The following RAB3GAP2 variants were observed in gnomAD, a reference collection of about 807,000 sequenced individuals.
RAB3GAP2 encodes rab3 GTPase-activating protein non-catalytic subunit.
Under a neutral mutation model 185.3 loss-of-function variants are expected in RAB3GAP2, and 87 were observed. That is an observed-to-expected ratio of 0.47 (90% CI 0.39 to 0.56). The LOEUF (loss-of-function observed/expected upper bound fraction) is 0.56. RAB3GAP2 is among the 20% of genes least tolerant of loss of function. The pLI is 0.00. For missense variants in RAB3GAP2, 1,492 were observed against 1,638.2 expected (o/e 0.91, Z 1.54); for synonymous variants, 554 against 576.1 (o/e 0.96, Z 0.55).
chr1:220,269,590 C>T (rs1489172131), intron 1 of RAB3GAP2, among the ~76,000 whole-genome samples: 6 of 152,046 alleles, frequency 3.9e-5, no homozygotes, highest in African/African-American at 1.2e-4. Flanking sequence ...GGCATGGTGG[C>T]GCATGCCTGT....
chr1:220,198,705 C>T (rs1246336554), intron 9 of RAB3GAP2, among the ~76,000 whole-genome samples: 1 of 152,150 alleles, frequency 6.6e-6, no homozygotes, highest in Non-Finnish European at 1.5e-5. Context: ...ACTGTAATTA[C>T]ATTTCCTTGG....
At chr1:220,253,153 AC>A (rs1658463680) in intron 1 of RAB3GAP2, among the ~76,000 whole-genome samples, 1 of 152,182 alleles carries the variant, frequency 6.6e-6, no homozygotes, top group African/African-American at 2.4e-5. Flanking sequence ...TCAGATTGTG[AC>A]CAGACTGCTT....
At chr1:220,223,565 T>C (rs1455473844) in intron 2 of RAB3GAP2, among the ~76,000 whole-genome samples, 2 of 152,090 alleles carry the variant, frequency 1.3e-5, no homozygotes, top group Non-Finnish European at 2.9e-5. Context: ...GACTAAAGTA[T>C]GATAACATAC....
intron 24 of RAB3GAP2, among the ~76,000 whole-genome samples, chr1:220,168,266 A>G (rs1326518469): frequency 1.3e-5 from 2 of 151,682 alleles, no homozygotes; most frequent in Non-Finnish European, 2.9e-5. Context: ...ATTTTTTTAT[A>G]TTTTTAGTAG....
At chr1:220,254,334 C>T in intron 1 of RAB3GAP2, 1 of 1,613,450 alleles carries the variant, frequency 6.2e-7, no homozygotes, top group Non-Finnish European at 8.5e-7. Flanking sequence ...CACCCATGTC[C>T]CAGGTGTATG....
intron 7 of RAB3GAP2, among the ~76,000 whole-genome samples, chr1:220,207,090 T>C (rs1229690042): frequency 6.6e-6 from 1 of 152,216 alleles, no homozygotes; most frequent in African/African-American, 2.4e-5. Flanking sequence ...GGGCAAATAA[T>C]AGGCAGTAAA....
At chr1:220,254,053 G>A in intron 1 of RAB3GAP2, 1 of 1,613,934 alleles carries the variant, frequency 6.2e-7, no homozygotes, top group Non-Finnish European at 8.5e-7. Flanking sequence ...AAAGATTCCT[G>A]AATAGCTAAA....
At chr1:220,248,045 A>G (rs1476765418) in intron 1 of RAB3GAP2, among the ~76,000 whole-genome samples, 1 of 152,058 alleles carries the variant, frequency 6.6e-6, no homozygotes, top group Non-Finnish European at 1.5e-5. Context: ...TCACAACCAT[A>G]AATTTAATAA....
intron 21 of RAB3GAP2, among the ~76,000 whole-genome samples, chr1:220,178,586 T>C: frequency 6.6e-6 from 1 of 152,190 alleles, no homozygotes; most frequent in Non-Finnish European, 1.5e-5. Context: ...CAGTTTTAAA[T>C]ACTTGTTGTA....
intron 2 of RAB3GAP2, among the ~76,000 whole-genome samples, chr1:220,214,370 A>G (rs1177955053): frequency 6.6e-6 from 1 of 152,120 alleles, no homozygotes; most frequent in African/African-American, 2.4e-5. Context: ...TACTAATAAT[A>G]CAAAAATTAG....
intron 13 of RAB3GAP2, among the ~76,000 whole-genome samples, chr1:220,192,963 C>A (rs1374356057): frequency 1.3e-5 from 2 of 152,006 alleles, no homozygotes; most frequent in African/African-American, 4.8e-5. Context: ...GTAGCAGGGG[C>A]AAGAAACTGA....
At chr1:220,266,928 C>G (rs1006374995) in intron 1 of RAB3GAP2, 22 of 1,592,544 alleles carry the variant, frequency 1.4e-5, no homozygotes, top group South Asian at 3.3e-5. Flanking sequence ...ATGTATTTGC[C>G]TCAAAAGGAG....
intron 2 of RAB3GAP2, among the ~76,000 whole-genome samples, chr1:220,223,891 C>T (rs917653860): frequency 6.7e-6 from 1 of 150,130 alleles, no homozygotes; most frequent in Non-Finnish European, 1.5e-5. Flanking sequence ...ATGGTAAGAC[C>T]CCATCTGTAA....
Position 220,193,362 on chromosome 1 carries a change from G to A in RAB3GAP2, c.1148C>T (p.Ser383Phe), listed in dbSNP as rs1377042235. 6.2e-7 allele frequency: 1 copy of A among 1,613,672 alleles called. No individual in the cohort carries two copies. The highest frequency in any genetic ancestry group is 8.5e-7 in the Non-Finnish European group (1 of 1,179,902). Reference protein sequence around the residue: ...PLAVRFGLPDSRRHGESICLS... With the variant: ...PLAVRFGLPDFRRHGESICLS... Reference sequence around the variant, plus strand: ...ACATATGCTTTCACCATGGCGTCTAGAATCTGGAAGTCCAAATCTGATATT... The same window carrying A: ...ACATATGCTTTCACCATGGCGTCTAAAATCTGGAAGTCCAAATCTGATATT... Residue 383 changes from serine to phenylalanine, a missense_variant, in exon 13 of 35, where the codon TCT becomes TTT. Ser to Phe is a radical substitution (Grantham distance 155, BLOSUM62 -2). Around this residue, in one of 5 missense-constraint regions of RAB3GAP2, gnomAD observed 243 missense variants for 314.8 expected, o/e 0.77. Transcript: ENST00000358951.
intron 7 of RAB3GAP2, among the ~76,000 whole-genome samples, chr1:220,207,432 G>A (rs1658989312): frequency 1.3e-5 from 2 of 152,104 alleles, no homozygotes; most frequent in Non-Finnish European, 1.5e-5. Context: ...TGTTATTAAG[G>A]CTCAAAATTT....
intron 14 of RAB3GAP2, 82 bp downstream of exon 14, chr1:220,190,986 A>T: frequency 7.8e-7 from 1 of 1,282,548 alleles, no homozygotes; most frequent in Non-Finnish European, 1.1e-6. Flanking sequence ...TCTAATAAGC[A>T]GCTTTAGTAA....
chr1:220,209,768 A>C (rs776131470), intron 7 of RAB3GAP2, among the ~76,000 whole-genome samples: 2 of 152,230 alleles, frequency 1.3e-5, no homozygotes, highest in Non-Finnish European at 2.9e-5. Flanking sequence ...CATATTACAT[A>C]GTTTTGACTA....
intron 31 of RAB3GAP2, 115 bp from the exon 32 acceptor site, chr1:220,154,172 ACAG>A: frequency 7.1e-7 from 1 of 1,415,610 alleles, no homozygotes; most frequent in Non-Finnish European, 9.5e-7. Flanking sequence ...TTCTCCTTGA[ACAG>A]TAAGATTTTA....
chr1:220,221,742 T>A (rs954425847), intron 2 of RAB3GAP2, among the ~76,000 whole-genome samples: 2 of 152,240 alleles, frequency 1.3e-5, no homozygotes, highest in African/African-American at 4.8e-5. Flanking sequence ...TTTAAAAATT[T>A]TCTTTCTTTT....
Sources: allele counts gnomAD v4.1 joint callset (sites outside exome capture counted in the v4.1 genomes callset), GRCh38; gene constraint gnomAD v4.1.1; regional missense constraint gnomAD v4.1.1; transcripts MANE v1.5; gene names NCBI Gene and HGNC (gene_info 2026-07-23, HGNC 2026-07-21).